FHAD1: variants seen among roughly 807,000 people sequenced by gnomAD.
FHAD1 encodes the protein forkhead-associated domain-containing protein 1.
A neutral mutation model predicts 191.3 loss-of-function variants in FHAD1; 146 were observed. That is an observed-to-expected ratio of 0.76 (90% confidence interval 0.67 to 0.88). The LOEUF (loss-of-function observed/expected upper bound fraction) is 0.88. Ranked by LOEUF, FHAD1 falls within the 40% of genes least tolerant of loss-of-function variation. The pLI, the probability that FHAD1 is intolerant of heterozygous loss-of-function variation, is 0.00. For missense variants in FHAD1, 1,635 were observed against 1,785.8 expected (o/e 0.92, Z 1.52); for synonymous variants, 616 against 672.3 (o/e 0.92, Z 1.29).
At chr1:15,324,931 C>G (rs1156877120) in intron 11 of FHAD1, 2 of 282,736 alleles carry the variant, frequency 7.1e-6, no homozygotes, top group African/African-American at 4.3e-5. Context: ...CCTTGGGCCC[C>G]AGCAGACATT....
intron 7 of FHAD1, 134 bp downstream of exon 7, chr1:15,308,870 C>G: frequency 3.7e-6 from 5 of 1,351,830 alleles, no homozygotes; most frequent in Non-Finnish European, 5.0e-6. Context: ...TCCCAGCAGC[C>G]CTTTAGGCAG....
At chr1:15,251,741 A>G in intron 1 of FHAD1, 30 bp from the exon 2 acceptor site, 1 of 1,497,044 alleles carries the variant, frequency 6.7e-7, no homozygotes, top group South Asian at 1.3e-5. Flanking sequence ...TACATTTTCT[A>G]ACAAAATTCT....
chr1:15,357,109 A>G (rs1456591504), intron 20 of FHAD1, among the ~76,000 whole-genome samples: 2 of 152,216 alleles, frequency 1.3e-5, no homozygotes. Flanking sequence ...GTCACAGGAC[A>G]TGCACATTTT....
chr1:15,393,008 T>C (rs1704615401), intron 33 of FHAD1: 1 of 151,846 alleles, frequency 6.6e-6, no homozygotes, highest in South Asian at 2.1e-4. Context: ...TGTCCAGGTG[T>C]TAAGGTTGGA....
chr1:15,245,668 G>C (rs1383452775), upstream of FHAD1, among the ~76,000 whole-genome samples: 3 of 152,172 alleles, frequency 2.0e-5, no homozygotes, highest in Non-Finnish European at 4.4e-5. Flanking sequence ...TCTGGTTGTA[G>C]GAAACTGATC....
chr1:15,286,823 C>T (rs537476), intron 3 of FHAD1, among the ~76,000 whole-genome samples: 42,708 of 152,150 alleles, frequency 0.28, 6,340 homozygotes, highest in Non-Finnish European at 0.33. Context: ...GACACGCTCA[C>T]TCCCATTAGC....
intron 3 of FHAD1, among the ~76,000 whole-genome samples, 165 bp downstream of exon 3, chr1:15,272,694 T>C (rs1656625284): frequency 6.6e-6 from 1 of 152,226 alleles, no homozygotes; most frequent in East Asian, 1.9e-4. Context: ...TGAGTCATTC[T>C]GGCGGGTCCC....
At chr1:15,386,414 A>G (rs1702099059) in intron 31 of FHAD1, among the ~76,000 whole-genome samples, 1 of 152,260 alleles carries the variant, frequency 6.6e-6, no homozygotes, top group African/African-American at 2.4e-5. Flanking sequence ...CTAGGGCTAC[A>G]GCCAAGAAAC....
intron 2 of FHAD1, among the ~76,000 whole-genome samples, chr1:15,256,645 CAAAAAAAAAAAAAAAAAA>C (rs34598860): frequency 1.4e-5 from 1 of 71,266 alleles, no homozygotes; most frequent in African/African-American, 6.9e-5. Context: ...AGACTCTGTC[CAAAAAAAAAAAAAAAAAA>C]AAAAAAAAAG....
At chr1:15,238,475 A>G (rs1198184823) in intron 1 of FHAD1, among the ~76,000 whole-genome samples, 1 of 152,144 alleles carries the variant, frequency 6.6e-6, no homozygotes, top group Non-Finnish European at 1.5e-5. Flanking sequence ...GGCCTTCTGG[A>G]ATTTGCTATT....
At chr1:15,379,188 T>G (rs998361027) in intron 28 of FHAD1, among the ~76,000 whole-genome samples, 8 of 152,164 alleles carry the variant, frequency 5.3e-5, no homozygotes, top group Non-Finnish European at 1.0e-4. Flanking sequence ...CCCTTAGTAT[T>G]TATTGATCAT....
At chr1:15,352,456 T>C (rs1570040158) in intron 19 of FHAD1, among the ~76,000 whole-genome samples, 1 of 152,088 alleles carries the variant, frequency 6.6e-6, no homozygotes. Context: ...TTGGCATGGG[T>C]CTGCAGGGAC....
intron 15 of FHAD1, among the ~76,000 whole-genome samples, chr1:15,340,439 C>A (rs535461060): frequency 6.6e-6 from 1 of 152,280 alleles, no homozygotes; most frequent in Admixed American, 6.5e-5. Context: ...TCTAGACTGG[C>A]CTCAGCTGGA....
chr1:15,343,768 G>C (rs1280648153), intron 16 of FHAD1: 1 of 152,172 alleles, frequency 6.6e-6, no homozygotes, highest in Non-Finnish European at 1.5e-5. Flanking sequence ...AATAAAACCA[G>C]AAAGTACCTA....
In FHAD1 at chr1:15,251,802, GA is replaced by G; in HGVS notation, c.19del (p.Ser7AlafsTer8). On this transcript the variant is annotated frameshift_variant, in exon 2 of 34. Coordinates refer to ENST00000688493, the MANE Select transcript of FHAD1 (RefSeq NM_001391957.1). LOFTEE classifies it high-confidence loss of function. The part of the protein sequence containing the change: MKAYLK[S>X]AEGFFVLNKS... The stretch of plus-strand genomic sequence containing the variant: ...CAGAGAGGATGAAGGCCTATCTAAA[GA>G]GCGCAGAAGGCTTTTTTGTCCTAAA... 1.3e-6 allele frequency: 2 copies of G among 1,552,108 alleles called. No individual in the cohort carries two copies. The highest frequency in any genetic ancestry group is 1.7e-6 in the Non-Finnish European group (2 of 1,147,078).
intron 31 of FHAD1, among the ~76,000 whole-genome samples, chr1:15,386,673 T>G (rs765132445): frequency 6.6e-6 from 1 of 152,214 alleles, no homozygotes; most frequent in Admixed American, 6.5e-5. Flanking sequence ...TCAGCTGGGC[T>G]GGAGCCCCTA....
Position 15,290,450 on chromosome 1 carries a change from G to A in FHAD1, c.568+784G>A, listed in dbSNP as rs569271857. ...CTTTGTCCCAGCCCCAGGCCCTTCG[G>A]AGTCCCCAGACATCTCCCAGCGGCT... On this transcript the variant is annotated intron_variant, in intron 4 of 33. Coordinates refer to ENST00000688493, the MANE Select transcript of FHAD1 (RefSeq NM_001391957.1). 2.0e-5 allele frequency among the ~76,000 whole-genome samples: 3 copies of A among 152,192 alleles called. No individual in the cohort carries two copies. In the East Asian group the frequency reaches 5.8e-4, roughly 29 times the overall value.
At chr1:15,395,870 G>A (rs1000542671) in intron 33 of FHAD1, among the ~76,000 whole-genome samples, 1 of 152,216 alleles carries the variant, frequency 6.6e-6, no homozygotes, top group Non-Finnish European at 1.5e-5. Context: ...TCTTCTTCCA[G>A]TGTGGCCCAG....
intron 10 of FHAD1, among the ~76,000 whole-genome samples, chr1:15,324,037 A>G (rs1402530136): frequency 6.6e-6 from 1 of 152,192 alleles, no homozygotes; most frequent in Non-Finnish European, 1.5e-5. Context: ...AACATCTAAC[A>G]CACTTATAGA....
Sources: gnomAD v4.1 joint callset for allele counts (sites outside exome capture counted in the v4.1 genomes callset) on GRCh38, gnomAD v4.1.1 for gene constraint, MANE v1.5 for transcripts, NCBI Gene and HGNC (gene_info 2026-07-23, HGNC 2026-07-21) for gene names.